Variants in SGO2 observed in about 807,000 individuals in gnomAD.
SGO2 encodes shugoshin-like 2.
Under a neutral mutation model 99.5 loss-of-function variants are expected in SGO2, and 68 were observed. That is an observed-to-expected ratio of 0.68 (90% CI 0.56 to 0.84). SGO2 has a LOEUF of 0.84. Among genes scored for constraint, SGO2 ranks in the 40% least tolerant of loss-of-function variants. The probability of loss-of-function intolerance (pLI) is 0.00; values close to 1 mark genes in which losing one functional copy is unlikely to be tolerated. For synonymous variants in SGO2, 457 were observed against 487.1 expected, an observed-to-expected ratio of 0.94 and a Z score of 0.81; for missense variants, 1,350 against 1,436.7, an observed-to-expected ratio of 0.94 and a Z score of 0.97.
chr2:200,576,234 CT>C (rs917329225), intron 8 of SGO2: 696 of 213,048 alleles, frequency 3.3e-3, no homozygotes, highest in South Asian at 7.2e-3. Flanking sequence ...TTTCTTTTTT[CT>C]TTTTTTTTTA....
At chr2:200,569,396 C>T (rs1471974218) in intron 5 of SGO2, among the ~76,000 whole-genome samples, 1 of 151,994 alleles carries the variant, frequency 6.6e-6, no homozygotes, top group Non-Finnish European at 1.5e-5. Flanking sequence ...TAATAGTAGT[C>T]TTCTAATAGC....
chr2:200,536,543 G>A (rs1426871675), intron 4 of SGO2, among the ~76,000 whole-genome samples: 1 of 152,084 alleles, frequency 6.6e-6, no homozygotes, highest in Non-Finnish European at 1.5e-5. Flanking sequence ...ACTTTATACT[G>A]TTTTCTAAAA....
chr2:200,566,079 G>A (rs1014454872), intron 5 of SGO2, among the ~76,000 whole-genome samples: 3 of 152,196 alleles, frequency 2.0e-5, no homozygotes, highest in African/African-American at 7.2e-5. Flanking sequence ...ACTCATCAAA[G>A]TCATTCTCCA....
At chr2:200,568,335 T>A (rs1171462627) in intron 5 of SGO2, among the ~76,000 whole-genome samples, 1 of 152,212 alleles carries the variant, frequency 6.6e-6, no homozygotes, top group African/African-American at 2.4e-5. Context: ...TTGGATAATA[T>A]TAGATTGCAC....
chr2:200,568,692 G>T (rs1210508630), intron 5 of SGO2, among the ~76,000 whole-genome samples: 1 of 151,912 alleles, frequency 6.6e-6, no homozygotes, highest in Non-Finnish European at 1.5e-5. Flanking sequence ...AACTTTTTTT[G>T]AATGTGGCAC....
intron 5 of SGO2, among the ~76,000 whole-genome samples, chr2:200,564,032 T>G (rs2033087238): frequency 6.6e-6 from 1 of 152,270 alleles, no homozygotes; most frequent in Non-Finnish European, 1.5e-5. Context: ...ATTGATTTTT[T>G]GAAGGGTTTC....
chr2:200,558,725 A>ATTT (rs199948791), intron 5 of SGO2, among the ~76,000 whole-genome samples: 2 of 95,758 alleles, frequency 2.1e-5, no homozygotes, highest in African/African-American at 8.0e-5. Flanking sequence ...TTTGTGTAGG[A>ATTT]TTTTTTTTTT....
intron 5 of SGO2, among the ~76,000 whole-genome samples, chr2:200,546,645 A>G (rs747207085): frequency 2.6e-5 from 4 of 152,134 alleles, no homozygotes; most frequent in Non-Finnish European, 5.9e-5. Context: ...AGCAGCTCAG[A>G]AATTTATCAG....
chr2:200,544,270 T>C (rs1236408810), intron 5 of SGO2, among the ~76,000 whole-genome samples: 1 of 152,144 alleles, frequency 6.6e-6, no homozygotes, highest in Non-Finnish European at 1.5e-5. Context: ...CAACATTTTG[T>C]TGGTTTTCCA....
chr2:200,556,432 G>A (rs1204641530), intron 5 of SGO2, among the ~76,000 whole-genome samples: 1 of 152,142 alleles, frequency 6.6e-6, no homozygotes, highest in African/African-American at 2.4e-5. Flanking sequence ...CTAAAGTTAT[G>A]ACTTAACCAT....
rs947270086 is a variant in SGO2, at chr2:200,579,744, T to C, written c.3783-3705T>C. Among the ~76,000 whole-genome samples, 3 of 152,188 alleles carry C rather than the reference T, an allele frequency of 2.0e-5. No homozygotes were observed. In the East Asian group the frequency reaches 5.8e-4, roughly 29 times the overall value. ...GGAGTATGTTTTTCATAATGTGATG[T>C]TGAATTGAGTTTGCCAAAATATTTT... On this transcript the variant is annotated intron_variant, in intron 8 of 8. Coordinates refer to ENST00000357799, the MANE Select transcript of SGO2 (RefSeq NM_152524.6).
At position 200,577,057 on chromosome 2, in the gene SGO2, T is replaced by C. The variant is rs184036870; in HGVS notation, c.3782+1596T>C. ...ATTGTTTTTTTTTTTTTCTTGGATA[T>C]ATCCCTAGGAGTGGAATTGCTGAGT... On this transcript the variant is annotated intron_variant, in intron 8 of 8. Coordinates refer to ENST00000357799, the MANE Select transcript of SGO2 (RefSeq NM_152524.6). 3.2e-3 allele frequency among the ~76,000 whole-genome samples: 490 copies of C among 152,018 alleles called. 8 individuals are homozygous for C. The highest frequency in any genetic ancestry group is 2.2e-3 in the Non-Finnish European group (148 of 67,954).
chr2:200,532,277 T>TTTTTG (rs2031435651), intron 1 of SGO2: 1 of 388,488 alleles, frequency 2.6e-6, no homozygotes, highest in African/African-American at 2.5e-5. Flanking sequence ...TTTTTGTTTT[T>TTTTTG]TTTTTTGTTT....
At chr2:200,577,171 T>C (rs1298244674) in intron 8 of SGO2, among the ~76,000 whole-genome samples, 2 of 152,184 alleles carry the variant, frequency 1.3e-5, no homozygotes, top group Non-Finnish European at 2.9e-5. Flanking sequence ...TTTTAAAAAT[T>C]TCTCTTTATC....
At chr2:200,579,967 A>G (rs1385785722) in intron 8 of SGO2, among the ~76,000 whole-genome samples, 1 of 152,120 alleles carries the variant, frequency 6.6e-6, no homozygotes, top group East Asian at 1.9e-4. Flanking sequence ...TGTATGTTAT[A>G]TACTTATATA....
chr2:200,551,123 G>T (rs995676431), intron 5 of SGO2, among the ~76,000 whole-genome samples: 1 of 151,956 alleles, frequency 6.6e-6, no homozygotes, highest in Non-Finnish European at 1.5e-5. Context: ...CAATTCCATT[G>T]CTGAGTATAT....
rs767139708 is a variant in SGO2 at position 200,569,718 on chromosome 2, GACA to G, written c.534_536del (p.Asn179del). 60 of 1,612,492 alleles carry G rather than the reference GACA, an allele frequency of 3.7e-5. No individual in the cohort carries two copies. In the African/African-American group the frequency reaches 6.9e-4, roughly 19 times the overall value. ...TGAAGATAAAGAGAAAATGCAGTGT[GACA>G]ACAATATTAAATCAAAGACATTACC... is the stretch of plus-strand genomic sequence containing the variant. On this transcript the variant is annotated inframe_deletion, in exon 6 of 9. Coordinates refer to ENST00000357799, the MANE Select transcript of SGO2 (RefSeq NM_152524.6).
intron 5 of SGO2, among the ~76,000 whole-genome samples, chr2:200,560,586 A>G (rs1326647613): frequency 6.6e-6 from 1 of 151,974 alleles, no homozygotes; most frequent in Admixed American, 6.6e-5. Flanking sequence ...GGATTTTCTA[A>G]TGCAAACTTT....
At chr2:200,546,931 A>G (rs150958668) in intron 5 of SGO2, among the ~76,000 whole-genome samples, 1,694 of 152,304 alleles carry the variant, frequency 0.011, 37 homozygotes, top group African/African-American at 0.038. Context: ...AGAGCTGAGC[A>G]TGAGCAAGGC....
Sources: gnomAD v4.1 joint callset for allele counts (sites outside exome capture counted in the v4.1 genomes callset) on GRCh38, gnomAD v4.1.1 for gene constraint, MANE v1.5 for transcripts, NCBI Gene and HGNC (gene_info 2026-07-23, HGNC 2026-07-21) for gene names.